DNASE2B: variants seen among roughly 807,000 people sequenced by gnomAD.
DNASE2B encodes the protein deoxyribonuclease-2-beta.
Under a neutral mutation model 46.0 loss-of-function variants are expected in DNASE2B, and 43 were observed. The observed-to-expected ratio is 0.94, with a 90% confidence interval of 0.73 to 1.21. The LOEUF is 1.21. DNASE2B is among the 50% of genes most tolerant of loss of function. DNASE2B has a pLI of 0.00. For missense variants in DNASE2B, 395 were observed against 414.4 expected (o/e 0.95, Z 0.41); for synonymous variants, 156 against 152.5 (o/e 1.02, Z -0.17).
rs531401011 is a variant in DNASE2B, at chr1:84,398,828, C to T, written c.125+139C>T. On this transcript the variant is annotated intron_variant, in intron 1 of 5. Coordinates refer to ENST00000370665, the MANE Select transcript of DNASE2B (RefSeq NM_021233.3). The stretch of plus-strand genomic sequence containing the variant: ...ATAAAGGAAGTTAAAGTGTGCAAAT[C>T]GGCCAAACTCCCAGGCAGGGGTAGG... 35 of 1,309,304 alleles carry T rather than the reference C, an allele frequency of 2.7e-5. No individual in the cohort carries two copies. In the East Asian group the frequency reaches 3.2e-4, roughly 12 times the overall value. 81.1% of individuals were successfully genotyped at this position (1,309,304 alleles called of 1,614,324 possible). A position where few individuals can be genotyped will look rare whatever the true frequency, so the allele number is the denominator to read the frequency against.
In DNASE2B at chr1:84,408,433, G is replaced by T; in HGVS notation, c.304-4G>T. The T allele has an allele frequency of 3.1e-6, 5 of 1,604,226 alleles. No individual in the cohort carries two copies. The highest frequency in any genetic ancestry group is 4.3e-6 in the Non-Finnish European group (5 of 1,175,474). ...GCCATTATAACCCTAATATATTCCT[G>T]CAGAGTAACAACACAGCCTATCTAA... On this transcript the variant is annotated splice_polypyrimidine_tract_variant and splice_region_variant and intron_variant, in intron 2 of 5. Coordinates refer to ENST00000370665, the MANE Select transcript of DNASE2B (RefSeq NM_021233.3).
chr1:84,410,708 T>A, intron 3 of DNASE2B, 130 bp from the exon 4 acceptor site: 3 of 857,928 alleles, frequency 3.5e-6, no homozygotes, highest in Non-Finnish European at 3.5e-6. Context: ...ATAAGCATGA[T>A]CCTTGTGATT....
intron 2 of DNASE2B, among the ~76,000 whole-genome samples, chr1:84,404,787 T>C (rs192721876): frequency 1.2e-4 from 18 of 152,318 alleles, no homozygotes; most frequent in East Asian, 1.2e-3. Context: ...CTTCTTATTG[T>C]ACAACTGGCA....
chr1:84,408,008 A>T (rs941314981), intron 2 of DNASE2B, among the ~76,000 whole-genome samples: 1 of 152,194 alleles, frequency 6.6e-6, no homozygotes, highest in Non-Finnish European at 1.5e-5. Flanking sequence ...AGATCCTGAC[A>T]GCCAGTTCTG....
intron 4 of DNASE2B, among the ~76,000 whole-genome samples, chr1:84,411,924 T>C (rs1404483701): frequency 1.3e-5 from 2 of 152,186 alleles, no homozygotes; most frequent in Non-Finnish European, 2.9e-5. Context: ...TCAACTTTTG[T>C]ATATGTATAT....
At chr1:84,398,775 A>C (rs1680350663) in intron 1 of DNASE2B, 86 bp downstream of exon 1, 1 of 1,534,900 alleles carries the variant, frequency 6.5e-7, no homozygotes, top group Non-Finnish European at 8.8e-7. Context: ...CCTAAGGGGA[A>C]TGTCCATTCT....
chr1:84,413,142 A>G (rs1026632146), intron 5 of DNASE2B, among the ~76,000 whole-genome samples: 2 of 151,982 alleles, frequency 1.3e-5, no homozygotes, highest in African/African-American at 4.8e-5. Context: ...CTACTTTCTC[A>G]TAACATACAA....
At position 84,412,656 on chromosome 1, in the gene DNASE2B, G is replaced by A. The variant is rs1205350340; in HGVS notation, c.745+110G>A. Reference sequence around the variant, plus strand: ...TTCAGAGAAAGAGAGATGAAAAAAGGGAGCAAAAGAAAAGGAAAAAGGAAA... The same window carrying A: ...TTCAGAGAAAGAGAGATGAAAAAAGAGAGCAAAAGAAAAGGAAAAAGGAAA... On this transcript the variant is annotated intron_variant, in intron 5 of 5. Transcript: ENST00000370665. 4 of 1,141,062 alleles carry A rather than the reference G, an allele frequency of 3.5e-6. No individual in the cohort carries two copies. The African/African-American group carries it at 6.3e-5, about 18-fold the overall frequency. 70.7% of individuals were successfully genotyped at this position (1,141,062 alleles called of 1,614,324 possible).
intron 3 of DNASE2B, among the ~76,000 whole-genome samples, chr1:84,409,063 T>A (rs1028078382): frequency 2.0e-5 from 3 of 152,066 alleles, no homozygotes; most frequent in Non-Finnish European, 4.4e-5. Context: ...CCTTTCACAA[T>A]TTTTTTATTT....
chr1:84,399,988 G>T (rs568169094), intron 1 of DNASE2B, among the ~76,000 whole-genome samples: 1 of 152,116 alleles, frequency 6.6e-6, no homozygotes, highest in Admixed American at 6.5e-5. Flanking sequence ...TTAAAGAAGC[G>T]GTCATGGAAA....
Position 84,414,645 on chromosome 1 carries a change from T to C in DNASE2B, c.863T>C (p.Ile288Thr), listed in dbSNP as rs755606469. ...NCSLPYHVYN[I>T]KAIKLSRHSY... ...TCCCTTCCTTACCATGTCTACAATA[T>C]AAAAGCAATTAAATTATCACGACAC... The change falls in exon 6 of 6, where the codon ATA becomes ACA. Residue 288 changes from isoleucine (I) to threonine (T), a missense_variant. Physicochemically the swap from Ile to Thr is moderately conservative, Grantham distance 89 (BLOSUM62 -1). Coordinates refer to ENST00000370665, the MANE Select transcript of DNASE2B (RefSeq NM_021233.3). 1.2e-6 allele frequency: 2 copies of C among 1,614,110 alleles called. No individual in the cohort carries two copies. The highest frequency in any genetic ancestry group is 1.7e-6 in the Non-Finnish European group (2 of 1,180,014).
At chr1:84,408,888 C>T (rs1025561317) in intron 3 of DNASE2B, among the ~76,000 whole-genome samples, 5 of 151,570 alleles carry the variant, frequency 3.3e-5, no homozygotes, top group African/African-American at 1.2e-4. Context: ...TATGTACAAA[C>T]ACATTTTAGT....
In DNASE2B at chr1:84,402,054, G is replaced by A. The variant is rs1680430058; in HGVS notation, c.279G>A (p.Gln93=). The A allele has an allele frequency of 6.2e-7, 1 of 1,605,522 alleles. No individual in the cohort carries two copies. Among genetic ancestry groups the A allele is most frequent in the African/African-American group, 1.3e-5 (1 of 74,404 alleles). ...GTGTTTTGGGAAGGACATTACAACAGCTATATGAAGCATATGCCTCTAAGG... is the reference window on the plus strand; with the variant it reads ...GTGTTTTGGGAAGGACATTACAACAACTATATGAAGCATATGCCTCTAAGG... ...TKSVLGRTLQ[Q]LYEAYASKSN... is the part of the protein sequence containing the mutation. The change falls in exon 2 of 6, where the codon CAG becomes CAA. Residue 93 remains glutamine, a synonymous_variant. Coordinates refer to ENST00000370665, the MANE Select transcript of DNASE2B (RefSeq NM_021233.3).
At position 84,398,681 on chromosome 1, in the gene DNASE2B, T is replaced by G; in HGVS notation, c.117T>G (p.Ala39=). Residue 39 remains alanine (A), a synonymous_variant, in exon 1 of 6, where the codon GCT becomes GCG. Transcript: ENST00000370665. ...TISCRNEEGK[A]VDWFTFYKLP... ...CATGCAGAAATGAAGAAGGGAAAGC[T>G]GTGGACTGGTAGGTAAATGAAATGG... The G allele has an allele frequency of 6.2e-7, 1 of 1,613,828 alleles. No homozygotes were observed. Among genetic ancestry groups the G allele is most frequent in the Non-Finnish European group, 8.5e-7 (1 of 1,179,754 alleles).
chr1:84,414,434 G>C, intron 5 of DNASE2B, 94 bp from the exon 6 acceptor site: 1 of 1,062,486 alleles, frequency 9.4e-7, no homozygotes, highest in Non-Finnish European at 1.3e-6. Context: ...CCACATATCA[G>C]GGGTGAAAGA....
At chr1:84,403,827 C>A (rs1680457541) in intron 2 of DNASE2B, among the ~76,000 whole-genome samples, 1 of 151,924 alleles carries the variant, frequency 6.6e-6, no homozygotes, top group African/African-American at 2.4e-5. Flanking sequence ...TCATTCGACA[C>A]CCAGGCTGCA....
At position 84,407,950 on chromosome 1, in the gene DNASE2B, C is replaced by T. The variant is rs12074662; in HGVS notation, c.304-487C>T. Among the ~76,000 whole-genome samples, 864 of 152,140 alleles carry T rather than the reference C, an allele frequency of 5.7e-3. 10 individuals are homozygous for T. Among genetic ancestry groups the T allele is most frequent in the African/African-American group, 0.02 (833 of 41,508 alleles). On this transcript the variant is annotated intron_variant, in intron 2 of 5. Transcript: ENST00000370665. The stretch of plus-strand genomic sequence containing the variant: ...AATGAGGGATCCTGATTAAACACAA[C>T]GCTACTACCCAGCAGTGAAGTGAAG...
intron 2 of DNASE2B, among the ~76,000 whole-genome samples, chr1:84,403,004 T>C (rs888706838): frequency 6.6e-6 from 1 of 152,222 alleles, no homozygotes; most frequent in Non-Finnish European, 1.5e-5. Context: ...TGTCATGGTG[T>C]GTGGTAATAT....
intron 5 of DNASE2B, among the ~76,000 whole-genome samples, chr1:84,413,888 C>A (rs1053648196): frequency 6.6e-6 from 1 of 152,100 alleles, no homozygotes; most frequent in Non-Finnish European, 1.5e-5. Flanking sequence ...TTTTTCTGAC[C>A]CTTCTATCAA....
Sources: gnomAD v4.1 joint callset for allele counts (sites outside exome capture counted in the v4.1 genomes callset) on GRCh38, gnomAD v4.1.1 for gene constraint, MANE v1.5 for transcripts, NCBI Gene and HGNC (gene_info 2026-07-23, HGNC 2026-07-21) for gene names.